The following SNTG1 variants were observed in gnomAD, a reference collection of about 807,000 sequenced individuals.
SNTG1 encodes gamma-1-syntrophin.
In SNTG1, 39 loss-of-function variants were observed where a neutral mutation model predicts 74.7. The observed-to-expected ratio is 0.52, with a 90% confidence interval of 0.40 to 0.68. SNTG1 has a LOEUF of 0.68. Among genes scored for constraint, SNTG1 ranks in the 30% least tolerant of loss-of-function variants. The pLI, the probability that SNTG1 is intolerant of heterozygous loss-of-function variation, is 0.00. For synonymous variants in SNTG1, 254 were observed against 217.1 expected (o/e 1.17, Z -1.49); for missense variants, 685 against 609.5 (o/e 1.12, Z -1.30).
At chr8:50,198,308 C>T (rs575659763) in intron 2 of SNTG1, among the ~76,000 whole-genome samples, 1 of 152,182 alleles carries the variant, frequency 6.6e-6, no homozygotes, top group African/African-American at 2.4e-5. Flanking sequence ...TGCCCTTTGG[C>T]GACTTGTCCT....
At chr8:50,670,285 A>G (rs2095273706) in intron 15 of SNTG1, among the ~76,000 whole-genome samples, 1 of 152,202 alleles carries the variant, frequency 6.6e-6, no homozygotes, top group Admixed American at 6.5e-5. Context: ...TTGTATATCT[A>G]GAAAACCCCA....
At chr8:50,188,914 C>T (rs1175109997) in intron 2 of SNTG1, among the ~76,000 whole-genome samples, 3 of 152,136 alleles carry the variant, frequency 2.0e-5, no homozygotes, top group Admixed American at 6.6e-5. Context: ...TGTACTCTAT[C>T]ATGAAACCCA....
chr8:50,457,446 C>A (rs981756183), intron 8 of SNTG1, among the ~76,000 whole-genome samples: 1 of 152,158 alleles, frequency 6.6e-6, no homozygotes, highest in Non-Finnish European at 1.5e-5. Context: ...ATTTTAAGGC[C>A]TTCCCAAGGA....
chr8:50,220,292 G>A (rs907854060), intron 2 of SNTG1, among the ~76,000 whole-genome samples: 20 of 152,074 alleles, frequency 1.3e-4, no homozygotes, highest in African/African-American at 4.8e-4. Flanking sequence ...CAAACTGCAA[G>A]GTGAAACTGC....
chr8:50,703,676 A>G (rs530519564), intron 15 of SNTG1, among the ~76,000 whole-genome samples: 48 of 152,278 alleles, frequency 3.2e-4, no homozygotes, highest in African/African-American at 1.1e-3. Context: ...AGCATACATC[A>G]TAATCGTATG....
chr8:50,040,185 A>G (rs1818516852), intron 1 of SNTG1, among the ~76,000 whole-genome samples: 1 of 152,164 alleles, frequency 6.6e-6, no homozygotes, highest in Non-Finnish European at 1.5e-5. Context: ...GGTTGTTGGC[A>G]CTGATGTCTC....
At chr8:50,346,140 T>C (rs1270722835) in intron 2 of SNTG1, among the ~76,000 whole-genome samples, 1 of 152,236 alleles carries the variant, frequency 6.6e-6, no homozygotes, top group Non-Finnish European at 1.5e-5. Context: ...TTTCACTTTA[T>C]TGCATTTCAA....
At chr8:50,533,583 AT>A (rs1374344614) in intron 10 of SNTG1, among the ~76,000 whole-genome samples, 1 of 152,022 alleles carries the variant, frequency 6.6e-6, no homozygotes, top group Non-Finnish European at 1.5e-5. Flanking sequence ...TTCCAAAAAA[AT>A]GATTAGAAAG....
chr8:50,712,429 A>C (rs1189944873), intron 17 of SNTG1, among the ~76,000 whole-genome samples: 1 of 152,208 alleles, frequency 6.6e-6, no homozygotes, highest in Non-Finnish European at 1.5e-5. Flanking sequence ...GTACGACTGA[A>C]ATTAAGACAA....
chr8:50,131,800 C>A (rs1156556863), intron 1 of SNTG1, among the ~76,000 whole-genome samples: 2 of 151,918 alleles, frequency 1.3e-5, no homozygotes, highest in South Asian at 2.1e-4. Context: ...TTTACGTTTC[C>A]CACCAACAAG....
At chr8:50,000,429 G>T (rs1814636642) in intron 1 of SNTG1, among the ~76,000 whole-genome samples, 1 of 152,082 alleles carries the variant, frequency 6.6e-6, no homozygotes, top group Non-Finnish European at 1.5e-5. Flanking sequence ...AGTTGTTCTG[G>T]AATGGGTCTT....
intron 12 of SNTG1, among the ~76,000 whole-genome samples, chr8:50,562,378 G>A (rs1451524118): frequency 3.9e-5 from 6 of 152,194 alleles, no homozygotes; most frequent in Admixed American, 3.9e-4. Flanking sequence ...GTCAAAGTGA[G>A]AGAACAAGAG....
chr8:50,460,235 T>G (rs10957935), intron 8 of SNTG1, among the ~76,000 whole-genome samples: 90,057 of 152,046 alleles, frequency 0.59, 30,986 homozygotes, highest in Non-Finnish European at 0.77. Context: ...TGATGATTAG[T>G]GATGATGGAC....
chr8:50,671,623 G>A (rs958079341), intron 15 of SNTG1, among the ~76,000 whole-genome samples: 12 of 152,124 alleles, frequency 7.9e-5, no homozygotes, highest in African/African-American at 2.7e-4. Flanking sequence ...AACCATTGTG[G>A]AAGTTAGTGT....
At chr8:50,432,447 T>C (rs557876624) in intron 4 of SNTG1, among the ~76,000 whole-genome samples, 2 of 152,224 alleles carry the variant, frequency 1.3e-5, no homozygotes, top group South Asian at 4.1e-4. Flanking sequence ...AGGTCAAGCA[T>C]CCTGAGTCCT....
intron 1 of SNTG1, among the ~76,000 whole-genome samples, chr8:49,962,962 G>A (rs1473517101): frequency 6.6e-6 from 1 of 152,186 alleles, no homozygotes; most frequent in Non-Finnish European, 1.5e-5. Flanking sequence ...GGCAGGAGCA[G>A]GGGTACAGCC....
At chr8:50,776,528 T>G (rs564270182) in intron 18 of SNTG1, among the ~76,000 whole-genome samples, 9 of 148,114 alleles carry the variant, frequency 6.1e-5, no homozygotes, top group African/African-American at 2.2e-4. Flanking sequence ...ATATTTCATA[T>G]TTTATACTAT....
chr8:50,501,425 GTTTTT>G (rs59123896), intron 8 of SNTG1, among the ~76,000 whole-genome samples: 60 of 57,070 alleles, frequency 1.1e-3, no homozygotes, highest in Middle Eastern at 0.018. Context: ...GAGCCTGTGC[GTTTTT>G]TTTTTTTTTT....
chr8:49,996,589 A>G (rs963809677), intron 1 of SNTG1, among the ~76,000 whole-genome samples: 17 of 152,182 alleles, frequency 1.1e-4, no homozygotes, highest in Non-Finnish European at 1.9e-4. Context: ...TTAAAATACT[A>G]CACATTAAAA....
Sources: allele counts gnomAD v4.1 joint callset (sites outside exome capture counted in the v4.1 genomes callset), GRCh38; gene constraint gnomAD v4.1.1; transcripts MANE v1.5; gene names NCBI Gene and HGNC (gene_info 2026-07-23, HGNC 2026-07-21).